Variants in ASZ1 observed in about 807,000 individuals in gnomAD.
ASZ1 encodes the protein ankyrin repeat, SAM and basic leucine zipper domain-containing protein 1.
In ASZ1, 67 loss-of-function variants were observed where a neutral mutation model predicts 61.8. That is an observed-to-expected ratio of 1.08 (90% CI 0.89 to 1.33). The LOEUF is 1.33. ASZ1 is among the 40% of genes most tolerant of loss of function. The pLI, the probability that ASZ1 is intolerant of heterozygous loss-of-function variation, is 0.00. For missense variants in ASZ1, 577 were observed against 554.5 expected (o/e 1.04, Z -0.41); for synonymous variants, 193 against 192.7 (o/e 1.00, Z -0.01).
At chr7:117,425,300 T>C (rs1420378631) in intron 2 of ASZ1, among the ~76,000 whole-genome samples, 24 of 141,748 alleles carry the variant, frequency 1.7e-4, no homozygotes, top group Non-Finnish European at 2.9e-4. Context: ...GAGTCTCGCT[T>C]TGTCGCCCAG....
At chr7:117,411,350 T>C in intron 4 of ASZ1, among the ~76,000 whole-genome samples, 1 of 151,738 alleles carries the variant, frequency 6.6e-6, no homozygotes, top group Non-Finnish European at 1.5e-5. Flanking sequence ...AATGGGGCAA[T>C]TTATTACAAA....
chr7:117,415,265 T>C (rs532145263), intron 4 of ASZ1, among the ~76,000 whole-genome samples: 1 of 152,324 alleles, frequency 6.6e-6, no homozygotes, highest in African/African-American at 2.4e-5. Flanking sequence ...AAATAAAAAA[T>C]TCATAACTTT....
At chr7:117,395,227 A>G (rs778278367) in intron 4 of ASZ1, among the ~76,000 whole-genome samples, 2 of 152,182 alleles carry the variant, frequency 1.3e-5, no homozygotes, top group Non-Finnish European at 2.9e-5. Context: ...TCTTTCAAAA[A>G]TAACTTTATC....
intron 12 of ASZ1, among the ~76,000 whole-genome samples, chr7:117,367,089 C>T (rs914293562): frequency 6.6e-6 from 1 of 152,154 alleles, no homozygotes; most frequent in Non-Finnish European, 1.5e-5. Context: ...GTTTGGTGAA[C>T]TCTAAGTAGA....
At chr7:117,388,931 T>C (rs77667036) in intron 4 of ASZ1, among the ~76,000 whole-genome samples, 1,834 of 152,292 alleles carry the variant, frequency 0.012, 15 homozygotes, top group Non-Finnish European at 0.018. Flanking sequence ...TTTGGCAAGG[T>C]TACAGCATTC....
intron 8 of ASZ1, among the ~76,000 whole-genome samples, chr7:117,381,577 A>G (rs1188223139): frequency 6.6e-6 from 1 of 152,122 alleles, no homozygotes; most frequent in East Asian, 1.9e-4. Context: ...ACTGTCATGG[A>G]CTCAAACCCC....
intron 2 of ASZ1, 24 bp downstream of exon 2, chr7:117,426,812 A>C (rs759842454): frequency 6.4e-7 from 1 of 1,569,140 alleles, no homozygotes; most frequent in East Asian, 2.2e-5. Context: ...CTGTGTTCAG[A>C]TGAAACTGTC....
intron 4 of ASZ1, among the ~76,000 whole-genome samples, chr7:117,388,854 TCA>T (rs764587336): frequency 2.0e-5 from 3 of 152,090 alleles, no homozygotes; most frequent in Non-Finnish European, 4.4e-5. Flanking sequence ...TTGTCTTTAT[TCA>T]CAGACAGCAT....
chr7:117,425,328 C>T (rs1339505083), intron 2 of ASZ1, among the ~76,000 whole-genome samples: 26 of 132,282 alleles, frequency 2.0e-4, no homozygotes, highest in Non-Finnish European at 3.8e-4. Flanking sequence ...TGCAGTGGCG[C>T]GATCTCGGCT....
At chr7:117,379,882 AAAG>A (rs531344755) in intron 10 of ASZ1, 53 bp downstream of exon 10, 542 of 1,157,246 alleles carry the variant, frequency 4.7e-4, no homozygotes, top group Non-Finnish European at 6.2e-4. Flanking sequence ...ATTAAACTAA[AAAG>A]AACAATTGGT....
intron 4 of ASZ1, among the ~76,000 whole-genome samples, chr7:117,390,726 AG>A (rs1796449128): frequency 6.6e-6 from 1 of 152,006 alleles, no homozygotes; most frequent in Non-Finnish European, 1.5e-5. Context: ...TTTTTTGAGA[AG>A]AAGCCTCACT....
chr7:117,377,194 G>A (rs924562664), intron 10 of ASZ1, among the ~76,000 whole-genome samples: 6 of 152,156 alleles, frequency 3.9e-5, no homozygotes, highest in Admixed American at 1.3e-4. Flanking sequence ...AATGAAATAT[G>A]CATGAGATCT....
chr7:117,386,084 G>C (rs1392492148), intron 4 of ASZ1, among the ~76,000 whole-genome samples: 1 of 152,140 alleles, frequency 6.6e-6, no homozygotes, highest in African/African-American at 2.4e-5. Context: ...CTACTATGAA[G>C]TTCACTAATA....
At chr7:117,417,453 C>A (rs1160385492) in intron 4 of ASZ1, among the ~76,000 whole-genome samples, 1 of 152,154 alleles carries the variant, frequency 6.6e-6, no homozygotes, top group Non-Finnish European at 1.5e-5. Context: ...TCTTTTGGCA[C>A]TTTTTACAGG....
intron 4 of ASZ1, among the ~76,000 whole-genome samples, chr7:117,413,047 A>AT (rs1796926531): frequency 6.6e-6 from 1 of 151,924 alleles, no homozygotes; most frequent in African/African-American, 2.4e-5. Flanking sequence ...AGTTTGTAGA[A>AT]TTTTTAAGTG....
intron 1 of ASZ1, 119 bp from the exon 2 acceptor site, chr7:117,427,054 A>G: frequency 1.8e-6 from 2 of 1,098,496 alleles, no homozygotes; most frequent in East Asian, 5.2e-5. Flanking sequence ...ATTTTGACTA[A>G]GATACAAAGT....
At chr7:117,402,126 G>C (rs1400149692) in intron 4 of ASZ1, among the ~76,000 whole-genome samples, 1 of 152,152 alleles carries the variant, frequency 6.6e-6, no homozygotes, top group Non-Finnish European at 1.5e-5. Context: ...CTAAGCACTT[G>C]AGAGTTAATT....
intron 4 of ASZ1, among the ~76,000 whole-genome samples, chr7:117,390,906 C>G (rs968290721): frequency 2.0e-5 from 3 of 151,854 alleles, no homozygotes; most frequent in Non-Finnish European, 1.5e-5. Context: ...GTTTCACCAT[C>G]ATGGCCAGGC....
chr7:117,424,486 T>A (rs1252723179), intron 2 of ASZ1, among the ~76,000 whole-genome samples: 1 of 152,220 alleles, frequency 6.6e-6, no homozygotes, highest in Admixed American at 6.5e-5. Context: ...TCTACCTATA[T>A]CTCTATTACT....
Sources: gnomAD v4.1 joint callset for allele counts (sites outside exome capture counted in the v4.1 genomes callset) on GRCh38, gnomAD v4.1.1 for gene constraint, MANE v1.5 for transcripts, NCBI Gene and HGNC (gene_info 2026-07-23, HGNC 2026-07-21) for gene names.